MRGPRG: variants seen among roughly 807,000 people sequenced by gnomAD.
MRGPRG encodes MAS related GPR family member G, also known as mas-related G protein-coupled receptor member G.
For synonymous variants in MRGPRG, 216 were observed against 206.7 expected, an observed-to-expected ratio of 1.05 and a Z score of -0.39; for missense variants, 395 against 394.7, an observed-to-expected ratio of 1.00 and a Z score of -0.01.
Position 3,218,578 on chromosome 11 carries a change from G to A in MRGPRG, c.236C>T (p.Thr79Ile). ...VAQAALGAQD[T>I]LYFVLTFLWF... The stretch of plus-strand genomic sequence containing the variant: ...CAGGAAGGTGAGCACGAAGTAGAGT[G>A]TGTCCTGGGCGCCCAGGGCAGCCTG... Residue 79 changes from threonine (T) to isoleucine (I), a missense_variant, in exon 1 of 1, where the codon ACA (threonine) becomes ATA (isoleucine). Thr to Ile is a moderately conservative substitution (Grantham distance 89). Coordinates refer to ENST00000332314, the MANE Select transcript of MRGPRG (RefSeq NM_001164377.1). 2 of 1,545,678 alleles carry A rather than the reference G, an allele frequency of 1.3e-6. No homozygotes were observed. Among genetic ancestry groups the A allele is most frequent in the Non-Finnish European group, 1.7e-6 (2 of 1,143,834 alleles).
In MRGPRG at chr11:3,218,216, C is replaced by T. The variant is rs536671714; in HGVS notation, c.598G>A (p.Val200Ile). The stretch of plus-strand genomic sequence containing the variant: ...AAGAGCAGGAGCAGCGCGCCCAGGA[C>T]GATGCCGTAGAGCCTGGGCCGCGGG... ...TRPRPRLYGI[V>I]LGALLLLFFC... is the part of the protein sequence containing the mutation. Residue 200 changes from valine to isoleucine, a missense_variant, in exon 1 of 1, where the codon GTC becomes ATC. Coordinates refer to ENST00000332314, the MANE Select transcript of MRGPRG (RefSeq NM_001164377.1). 5.2e-6 allele frequency: 8 copies of T among 1,529,144 alleles called. No individual in the cohort carries two copies. In the South Asian group the frequency reaches 8.6e-5, roughly 16 times the overall value. 94.7% of individuals were successfully genotyped at this position (1,529,144 alleles called of 1,614,324 possible). A position where few individuals can be genotyped will look rare whatever the true frequency, so the allele number is the denominator to read the frequency against.
Position 3,218,373 on chromosome 11 carries a change from C to A in MRGPRG, c.441G>T (p.Leu147=). The change falls in exon 1 of 1, where the codon CTG becomes CTT. Residue 147 remains leucine (L), a synonymous_variant. Transcript: ENST00000332314. ...AGACCAGGGGGCACGCGCTGTTGCG[C>A]AGCAGGCCGCAGGCGTTGGCGGGCA... is the stretch of plus-strand genomic sequence containing the variant. The part of the protein sequence containing the change: ...VPLPANACGL[L]RNSACPLVCP... The A allele has an allele frequency of 6.8e-7, 1 of 1,480,496 alleles. No homozygotes were observed. The highest frequency in any genetic ancestry group is 8.9e-7 in the Non-Finnish European group (1 of 1,119,522). The allele number at this position is 1,480,496 out of a possible 1,614,324, so 91.7% of individuals were successfully genotyped here. A position where few individuals can be genotyped will look rare whatever the true frequency, so the allele number is the denominator to read the frequency against.
In MRGPRG at chr11:3,218,235, C is replaced by A; in HGVS notation, c.579G>T (p.Arg193=). The change falls in exon 1 of 1, where the codon CGG becomes CGT. Residue 193 remains arginine (R), a synonymous_variant. Coordinates refer to ENST00000332314, the MANE Select transcript of MRGPRG (RefSeq NM_001164377.1). The part of the protein sequence containing the change: ...VWVTCCSTRP[R]PRLYGIVLGA... The stretch of plus-strand genomic sequence containing the variant: ...CCAGGACGATGCCGTAGAGCCTGGG[C>A]CGCGGGCGAGTGGAGCAGCAGGTCA... 3 of 1,505,788 alleles carry A rather than the reference C, an allele frequency of 2.0e-6. No homozygotes were observed. The highest frequency in any genetic ancestry group is 2.8e-5 in the African/African-American group (2 of 71,724). The allele number at this position is 1,505,788 out of a possible 1,614,324, so 93.3% of individuals were successfully genotyped here.
Position 3,218,512 on chromosome 11 carries a change from A to G in MRGPRG, c.302T>C (p.Val101Ala). 1 of 1,545,046 alleles carries G rather than the reference A, an allele frequency of 6.5e-7. No homozygotes were observed. Among genetic ancestry groups the G allele is most frequent in the Non-Finnish European group, 8.7e-7 (1 of 1,143,816 alleles). Residue 101 changes from valine to alanine, a missense_variant, in exon 1 of 1, where the codon GTG becomes GCG. Coordinates refer to ENST00000332314, the MANE Select transcript of MRGPRG (RefSeq NM_001164377.1). Reference protein sequence around the residue: ...VGLWLLAAFSVERCLSDLFPA... With the variant: ...VGLWLLAAFSAERCLSDLFPA... ...GAAGAGGTCGGAGAGGCAGCGCTCCACGCTGAAGGCCGCCAGCAGCCAGAG... is the reference window on the plus strand; with the variant it reads ...GAAGAGGTCGGAGAGGCAGCGCTCCGCGCTGAAGGCCGCCAGCAGCCAGAG...
At position 3,218,053 on chromosome 11, in the gene MRGPRG, C is replaced by G. The variant is rs1348714677; in HGVS notation, c.761G>C (p.Gly254Ala). 1.9e-6 allele frequency: 3 copies of G among 1,544,316 alleles called. No individual in the cohort carries two copies. Among genetic ancestry groups the G allele is most frequent in the African/African-American group, 2.7e-5 (2 of 72,884 alleles). The change falls in exon 1 of 1, where the codon GGC becomes GCC. Residue 254 changes from glycine (G) to alanine (A), a missense_variant. Transcript: ENST00000332314. ...CGGCTCCCGCTTCCCGGGCTGTCGG[C>G]CCAACCCCGAGTAGATGAGGGGCTT... ...SSKPLIYSGL[G>A]RQPGKREPLR...
At chr11:3,218,436 G>T in the MRGPRG span, 109 of 1,537,646 alleles carry the variant, frequency 7.1e-5, 5 homozygotes, top group Non-Finnish European at 9.5e-5. Context: ...ACACCAGGGC[G>T]CAGAGGACGG....
the MRGPRG span, chr11:3,218,521 GC>G: frequency 6.5e-7 from 1 of 1,545,208 alleles, no homozygotes; most frequent in African/African-American, 1.4e-5. Flanking sequence ...CACGCTGAAG[GC>G]CGCCAGCAGC....
chr11:3,218,020 G>A lies in MRGPRG; in HGVS notation c.794C>T (p.Ser265Leu), dbSNP rs1847641689. The A allele has an allele frequency of 6.5e-7, 1 of 1,542,418 alleles. No homozygotes were observed. Among genetic ancestry groups the A allele is most frequent in the Non-Finnish European group, 8.8e-7 (1 of 1,142,504 alleles). ...RQPGKREPLR[S>L]VLRRALGEGA... ...CTCCCCCAGGGCCCTCCGCAGTACC[G>A]ACCTCAGCGGCTCCCGCTTCCCGGG... Residue 265 changes from serine to leucine, a missense_variant, in exon 1 of 1, where the codon TCG (serine) becomes TTG (leucine). Ser to Leu is a moderately radical substitution (Grantham distance 145). Coordinates refer to ENST00000332314, the MANE Select transcript of MRGPRG (RefSeq NM_001164377.1).
Position 3,218,489 on chromosome 11 carries a change from A to G in MRGPRG, c.325T>C (p.Phe109Leu), listed in dbSNP as rs182921716. 689 of 1,544,422 alleles carry G rather than the reference A, an allele frequency of 4.5e-4. 20 individuals are homozygous for G. The African/African-American group carries it at 7.7e-3, about 17-fold the overall frequency. The change falls in exon 1 of 1, where the codon TTC becomes CTC. Residue 109 changes from phenylalanine to leucine, a missense_variant. Transcript: ENST00000332314. ...CGGCAGCCCTGGTAGCAGGCGGGGA[A>G]GAGGTCGGAGAGGCAGCGCTCCACG... is the stretch of plus-strand genomic sequence containing the variant. The part of the protein sequence containing the change: ...FSVERCLSDL[F>L]PACYQGCRPR...
Position 3,218,026 on chromosome 11 carries a change from A to C in MRGPRG, c.788T>G (p.Leu263Arg). The C allele has an allele frequency of 3.2e-6, 5 of 1,543,118 alleles. 1 individual carries two copies. The highest frequency in any genetic ancestry group is 4.4e-6 in the Non-Finnish European group (5 of 1,142,830). The change falls in exon 1 of 1, where the codon CTG (leucine) becomes CGG (arginine). Residue 263 changes from leucine to arginine, a missense_variant. Leu to Arg is a moderately radical substitution (Grantham distance 102). Transcript: ENST00000332314. ...LGRQPGKREP[L>R]RSVLRRALGE... ...CAGGGCCCTCCGCAGTACCGACCTC[A>C]GCGGCTCCCGCTTCCCGGGCTGTCG...
rs924337630 is a variant in MRGPRG at position 3,218,355 on chromosome 11, G to A, written c.459C>T (p.Pro153=). The change falls in exon 1 of 1, where the codon CCC becomes CCT. Residue 153 remains proline (P), a synonymous_variant. Coordinates refer to ENST00000332314, the MANE Select transcript of MRGPRG (RefSeq NM_001164377.1). The part of the protein sequence containing the change: ...ACGLLRNSAC[P]LVCPRYHVAS... ...CCACGTGGTAGCGCGGGCAGACCAGGGGGCACGCGCTGTTGCGCAGCAGGC... is the reference window on the plus strand; with the variant it reads ...CCACGTGGTAGCGCGGGCAGACCAGAGGGCACGCGCTGTTGCGCAGCAGGC... 1.4e-6 allele frequency: 2 copies of A among 1,465,338 alleles called. No homozygotes were observed. The highest frequency in any genetic ancestry group is 1.4e-5 in the African/African-American group (1 of 70,396). The allele number at this position is 1,465,338 out of a possible 1,614,324, so 90.8% of individuals were successfully genotyped here.
At position 3,218,463 on chromosome 11, in the gene MRGPRG, C is replaced by A; in HGVS notation, c.351G>T (p.Arg117=). 6.5e-7 allele frequency: 1 copy of A among 1,542,336 alleles called. No individual in the cohort carries two copies. Among genetic ancestry groups the A allele is most frequent in the Non-Finnish European group, 8.7e-7 (1 of 1,143,528 alleles). Residue 117 remains arginine (R), a synonymous_variant, in exon 1 of 1, where the codon CGG becomes CGT. Transcript: ENST00000332314. ...DLFPACYQGC[R]PRHASAVLCA... ...AGAGGACGGCCGAGGCGTGTCTGGG[C>A]CGGCAGCCCTGGTAGCAGGCGGGGA... is the stretch of plus-strand genomic sequence containing the variant.
Position 3,218,175 on chromosome 11 carries a change from G to A in MRGPRG, c.639C>T (p.Pro213=). The A allele has an allele frequency of 6.5e-7, 1 of 1,542,934 alleles. No individual in the cohort carries two copies. Among genetic ancestry groups the A allele is most frequent in the Non-Finnish European group, 8.8e-7 (1 of 1,142,268 alleles). Residue 213 remains proline (P), a synonymous_variant, in exon 1 of 1, where the codon CCC becomes CCT. Transcript: ENST00000332314. ...GCTGCAGGCTCCAGTAGAAGACCGAGGGCAGGCCACAGAAGAAGAGCAGGA... is the reference window on the plus strand; with the variant it reads ...GCTGCAGGCTCCAGTAGAAGACCGAAGGCAGGCCACAGAAGAAGAGCAGGA... ...ALLLLFFCGL[P]SVFYWSLQPL...
Position 3,218,397 on chromosome 11 carries a change from C to T in MRGPRG, c.417G>A (p.Leu139=). 6.6e-7 allele frequency: 1 copy of T among 1,503,946 alleles called. No homozygotes were observed. Among genetic ancestry groups the T allele is most frequent in the African/African-American group, 1.4e-5 (1 of 71,806 alleles). 93.2% of individuals were successfully genotyped at this position (1,503,946 alleles called of 1,614,324 possible). ...VWTPTLPAVP[L]PANACGLLRN... ...GCAGCAGGCCGCAGGCGTTGGCGGG[C>T]AGCGGCACGGCCGGCAGGGTCGGGG... Residue 139 remains leucine, a synonymous_variant, in exon 1 of 1, where the codon CTG becomes CTA. Transcript: ENST00000332314.
Position 3,218,524 on chromosome 11 carries a change from G to A in MRGPRG, c.290C>T (p.Ala97Val), listed in dbSNP as rs1226550392. The A allele has an allele frequency of 1.3e-6, 2 of 1,545,232 alleles. No homozygotes were observed. The highest frequency in any genetic ancestry group is 2.0e-5 in the Admixed American group (1 of 50,848). ...LWFAVGLWLL[A>V]AFSVERCLSD... ...GAGGCAGCGCTCCACGCTGAAGGCC[G>A]CCAGCAGCCAGAGCCCCACCGCGAA... The change falls in exon 1 of 1, where the codon GCG (alanine) becomes GTG (valine). Residue 97 changes from alanine (A) to valine (V), a missense_variant. By Grantham distance (64) the Ala-to-Val change is moderately conservative. Coordinates refer to ENST00000332314, the MANE Select transcript of MRGPRG (RefSeq NM_001164377.1).
Position 3,218,396 on chromosome 11 carries a change from G to A in MRGPRG, c.418C>T (p.Pro140Ser). The A allele has an allele frequency of 1.3e-6, 2 of 1,502,740 alleles. No individual in the cohort carries two copies. Among genetic ancestry groups the A allele is most frequent in the South Asian group, 1.3e-5 (1 of 76,982 alleles). The allele number at this position is 1,502,740 out of a possible 1,614,324, so 93.1% of individuals were successfully genotyped here. The part of the protein sequence containing the change: ...WTPTLPAVPL[P>S]ANACGLLRNS... Reference sequence around the variant, plus strand: ...CGCAGCAGGCCGCAGGCGTTGGCGGGCAGCGGCACGGCCGGCAGGGTCGGG... The same window carrying A: ...CGCAGCAGGCCGCAGGCGTTGGCGGACAGCGGCACGGCCGGCAGGGTCGGG... The change falls in exon 1 of 1, where the codon CCC becomes TCC. Residue 140 changes from proline to serine, a missense_variant. Physicochemically the swap from Pro to Ser is moderately conservative, Grantham distance 74 (BLOSUM62 -1). Transcript: ENST00000332314.
In MRGPRG at chr11:3,218,445, G is replaced by C; in HGVS notation, c.369C>G (p.Ala123=). Reference sequence around the variant, plus strand: ...GGGTCCACACCAGGGCGCAGAGGACGGCCGAGGCGTGTCTGGGCCGGCAGC... The same window carrying C: ...GGGTCCACACCAGGGCGCAGAGGACCGCCGAGGCGTGTCTGGGCCGGCAGC... The part of the protein sequence containing the change: ...YQGCRPRHAS[A]VLCALVWTPT... Residue 123 remains alanine, a synonymous_variant, in exon 1 of 1, where the codon GCC becomes GCG. Coordinates refer to ENST00000332314, the MANE Select transcript of MRGPRG (RefSeq NM_001164377.1). The C allele has an allele frequency of 6.5e-7, 1 of 1,539,980 alleles. No individual in the cohort carries two copies. The highest frequency in any genetic ancestry group is 2.4e-5 in the East Asian group (1 of 40,864).
Position 3,218,448 on chromosome 11 carries a change from C to T in MRGPRG, c.366G>A (p.Ser122=). The T allele has an allele frequency of 2.6e-6, 4 of 1,540,576 alleles. No individual in the cohort carries two copies. The highest frequency in any genetic ancestry group is 2.4e-5 in the East Asian group (1 of 40,874). The change falls in exon 1 of 1, where the codon TCG becomes TCA. Residue 122 remains serine, a synonymous_variant. Coordinates refer to ENST00000332314, the MANE Select transcript of MRGPRG (RefSeq NM_001164377.1). ...TCCACACCAGGGCGCAGAGGACGGC[C>T]GAGGCGTGTCTGGGCCGGCAGCCCT... ...CYQGCRPRHA[S]AVLCALVWTP...
In MRGPRG at chr11:3,217,965, G is replaced by T. The variant is rs1449093517; in HGVS notation, c.849C>A (p.Ser283=). The T allele has an allele frequency of 6.6e-7, 1 of 1,506,186 alleles. No homozygotes were observed. The highest frequency in any genetic ancestry group is 2.1e-5 in the Admixed American group (1 of 48,314). The allele number at this position is 1,506,186 out of a possible 1,614,324, so 93.3% of individuals were successfully genotyped here. A position where few individuals can be genotyped will look rare whatever the true frequency, so the allele number is the denominator to read the frequency against. Residue 283 remains serine, a synonymous_variant, in exon 1 of 1, where the codon TCC becomes TCA. Transcript: ENST00000332314. This position sits in a 1 kb window ranked among gnomAD's most constrained non-coding sequence, Gnocchi z 6.5. The stretch of plus-strand genomic sequence containing the variant: ...CCACTTATAGGAGACCCATGGGCAG[G>T]GACTGTCCCCTGGCACCCAGCTCGG... ...EGAELGARGQ[S]LPMGLL is the part of the protein sequence containing the mutation.
Sources: gnomAD v4.1 joint callset for allele counts on GRCh38, gnomAD v4.1.1 for gene constraint, Gnocchi (gnomAD v3.1) non-coding constraint, MANE v1.5 for transcripts, NCBI Gene and HGNC (gene_info 2026-07-23, HGNC 2026-07-21) for gene names.